The following PIGN variants were observed in gnomAD, a reference collection of about 807,000 sequenced individuals.
PIGN encodes the protein phosphatidylinositol glycan anchor biosynthesis class N.
PIGN carries 117 observed loss-of-function variants against 125.4 expected under a neutral mutation model. That is an observed-to-expected ratio of 0.93 (90% CI 0.80 to 1.09). The LOEUF (loss-of-function observed/expected upper bound fraction) is 1.09, where lower values mean the gene tolerates loss of function less well. PIGN is among the 50% of genes least tolerant of loss of function. The pLI is 0.00. For synonymous variants in PIGN, 392 were observed against 377.8 expected (o/e 1.04, Z -0.44); for missense variants, 1,075 against 1,094.9 (o/e 0.98, Z 0.26).
Position 62,186,930 on chromosome 18 carries a change from C to G in PIGN, c.-322G>C, listed in dbSNP as rs934026495. ...ACCCAGCTCCATTAAAGCTCTCGGG[C>G]AGTGGTCCCCTCTACCCACTGAAGC... On this transcript the variant is annotated 5_prime_UTR_variant, in exon 1 of 31. Transcript: ENST00000640252. 2.0e-5 allele frequency: 3 copies of G among 152,358 alleles called. No individual in the cohort carries two copies. The allele number at this position is 152,358 out of a possible 1,614,324, so 9.4% of individuals were successfully genotyped here.
At chr18:62,131,355 G>A (rs1409342670) in intron 14 of PIGN, among the ~76,000 whole-genome samples, 1 of 151,844 alleles carries the variant, frequency 6.6e-6, no homozygotes, top group South Asian at 2.1e-4. Context: ...GATCTTTTTT[G>A]CTTTCTTCTT....
At chr18:62,123,995 T>C (rs538620944) in intron 14 of PIGN, among the ~76,000 whole-genome samples, 1 of 152,248 alleles carries the variant, frequency 6.6e-6, no homozygotes, top group Non-Finnish European at 1.5e-5. Context: ...GAACTAATTA[T>C]GAGCCCTAAT....
chr18:62,161,212 A>C lies in PIGN; in HGVS notation c.142T>G (p.Leu48Val). The change falls in exon 4 of 31, where the codon TTG becomes GTG. Residue 48 changes from leucine (L) to valine (V), a missense_variant. This residue lies in a region of PIGN where 152 missense variants were observed against 162.9 expected (regional missense o/e 0.93). Coordinates refer to ENST00000640252, the MANE Select transcript of PIGN (RefSeq NM_176787.5). ...GCTCGAAGGCCATCAGCAACAAACA[A>C]CACTAATCTTCTCGCTGGAGGAGGC... ...PLPPPARRLV[L>V]FVADGLRADA... 1 of 1,613,904 alleles carries C rather than the reference A, an allele frequency of 6.2e-7. No individual in the cohort carries two copies. Among genetic ancestry groups the C allele is most frequent in the African/African-American group, 1.3e-5 (1 of 75,058 alleles).
Position 62,072,680 on chromosome 18 carries a change from C to G in PIGN, c.2665G>C (p.Gly889Arg), listed in dbSNP as rs2032949247. ...TGACCATATATACTATACCTTGTCC[C>G]AATATCAAGCCAGCTGCCATAATCC... ...VKDYGSWLDI[G>R]TSISHYVIVM... The change falls in exon 30 of 31, where the codon GGG (glycine) becomes CGG (arginine). Residue 889 changes from glycine to arginine, a missense_variant. Transcript: ENST00000640252. The G allele has an allele frequency of 3.7e-6, 6 of 1,602,614 alleles. No homozygotes were observed. Among genetic ancestry groups the G allele is most frequent in the Non-Finnish European group, 4.3e-6 (5 of 1,174,608 alleles).
At chr18:62,127,950 C>A (rs1423389056) in intron 14 of PIGN, among the ~76,000 whole-genome samples, 1 of 151,956 alleles carries the variant, frequency 6.6e-6, no homozygotes, top group East Asian at 1.9e-4. Flanking sequence ...GTGCTATTTT[C>A]CCAACAAGAA....
chr18:62,045,288 T>C lies in PIGN; in HGVS notation c.*568A>G, dbSNP rs1440170993. ...TGGTTGACTGAGAAAACCTGAGAAA[T>C]AGCACTAAAAAGGATAAGATAGCAT... On this transcript the variant is annotated 3_prime_UTR_variant, in exon 31 of 31. Coordinates refer to ENST00000640252, the MANE Select transcript of PIGN (RefSeq NM_176787.5). The C allele has an allele frequency of 6.6e-6, 1 of 151,554 alleles. No homozygotes were observed. The highest frequency in any genetic ancestry group is 2.4e-5 in the African/African-American group (1 of 41,238). The allele number at this position is 151,554 out of a possible 1,614,324, so 9.4% of individuals were successfully genotyped here. A position where few individuals can be genotyped will look rare whatever the true frequency, so the allele number is the denominator to read the frequency against.
At chr18:62,128,759 T>C (rs1292729008) in intron 14 of PIGN, among the ~76,000 whole-genome samples, 1 of 152,184 alleles carries the variant, frequency 6.6e-6, no homozygotes, top group Admixed American at 6.5e-5. Context: ...CCATTATTTC[T>C]AGAGGGCTAT....
At chr18:62,034,177 C>T (rs1599377400) in intron 23 of PIGN, among the ~76,000 whole-genome samples, 1 of 152,192 alleles carries the variant, frequency 6.6e-6, no homozygotes, top group Non-Finnish European at 1.5e-5. Context: ...AAATAGCAAA[C>T]ATTTTAAAAC....
chr18:62,104,033 A>G (rs369743858), intron 20 of PIGN, among the ~76,000 whole-genome samples: 6 of 152,292 alleles, frequency 3.9e-5, no homozygotes, highest in African/African-American at 1.4e-4. Context: ...AATGTTTCAC[A>G]AAATCACATC....
At chr18:62,108,118 G>A (rs77636099) in intron 17 of PIGN, among the ~76,000 whole-genome samples, 10,309 of 152,228 alleles carry the variant, frequency 0.068, 648 homozygotes, top group African/African-American at 0.16. Flanking sequence ...AAGGTGCCAT[G>A]TAGGAAAGAA....
At chr18:62,155,200 A>G (rs2147469226) in intron 6 of PIGN, among the ~76,000 whole-genome samples, 1 of 152,326 alleles carries the variant, frequency 6.6e-6, no homozygotes, top group East Asian at 1.9e-4. Flanking sequence ...ACAATCTCAT[A>G]TATTTGCAAG....
At chr18:62,065,031 C>T (rs866821696) in intron 30 of PIGN, among the ~76,000 whole-genome samples, 3 of 152,124 alleles carry the variant, frequency 2.0e-5, no homozygotes, top group South Asian at 2.1e-4. Context: ...AGGACAAACA[C>T]GGGACTTCCG....
At chr18:62,130,483 G>C (rs533119594) in intron 14 of PIGN, among the ~76,000 whole-genome samples, 1 of 151,664 alleles carries the variant, frequency 6.6e-6, no homozygotes, top group Non-Finnish European at 1.5e-5. Context: ...TGACTAAATT[G>C]TTTTTATTGA....
intron 28 of PIGN, among the ~76,000 whole-genome samples, chr18:62,080,286 C>T (rs2033386337): frequency 6.6e-6 from 1 of 152,190 alleles, no homozygotes; most frequent in African/African-American, 2.4e-5. Flanking sequence ...AAACTTGTTT[C>T]TCTTTCTCAG....
chr18:62,049,585 G>T (rs1333204739), intron 30 of PIGN, among the ~76,000 whole-genome samples: 26 of 149,786 alleles, frequency 1.7e-4, no homozygotes, highest in Admixed American at 4.7e-4. Flanking sequence ...GTTCATTGTA[G>T]ATTCTGGATA....
intron 23 of PIGN, among the ~76,000 whole-genome samples, chr18:62,090,961 C>T (rs17635535): frequency 2.1e-4 from 32 of 151,710 alleles, no homozygotes; most frequent in Non-Finnish European, 4.0e-4. Flanking sequence ...AAAAAATGGG[C>T]GCAACAAGAA....
intron 21 of PIGN, among the ~76,000 whole-genome samples, chr18:62,102,324 A>C (rs1049004565): frequency 3.4e-5 from 5 of 147,396 alleles, no homozygotes; most frequent in African/African-American, 1.0e-4. Flanking sequence ...GAACTGACTC[A>C]ATTTTGAAAC....
At chr18:62,109,153 G>T (rs1347329072) in intron 17 of PIGN, among the ~76,000 whole-genome samples, 1 of 152,142 alleles carries the variant, frequency 6.6e-6, no homozygotes, top group African/African-American at 2.4e-5. Context: ...TCTGCAACAT[G>T]ACTCCAGCTG....
At chr18:62,169,349 T>C (rs1274186689) in intron 1 of PIGN, among the ~76,000 whole-genome samples, 2 of 152,252 alleles carry the variant, frequency 1.3e-5, no homozygotes, top group African/African-American at 4.8e-5. Context: ...TTCACTCTCA[T>C]GTTAACAGAC....
Sources: allele counts gnomAD v4.1 joint callset (sites outside exome capture counted in the v4.1 genomes callset), GRCh38; gene constraint gnomAD v4.1.1; regional missense constraint gnomAD v4.1.1; transcripts MANE v1.5; gene names NCBI Gene and HGNC (gene_info 2026-07-23, HGNC 2026-07-21).